The following TEX15 variants were observed in gnomAD, a reference collection of about 807,000 sequenced individuals.
TEX15 encodes testis expressed 15, meiosis and synapsis associated.
Under a neutral mutation model 237.3 loss-of-function variants are expected in TEX15, and 171 were observed. The ratio of observed to expected loss-of-function variants is 0.72; its 90% CI spans 0.64 to 0.82. The LOEUF is 0.82. Ranked by LOEUF, TEX15 falls within the 40% of genes least tolerant of loss-of-function variation. TEX15 has a pLI of 0.00. For missense variants in TEX15, 3,750 were observed against 3,646.5 expected (o/e 1.03, Z -0.73); for synonymous variants, 1,338 against 1,269.8 (o/e 1.05, Z -1.14).
chr8:30,889,811 T>C (rs1030718713), intron 2 of TEX15, among the ~76,000 whole-genome samples: 1 of 151,496 alleles, frequency 6.6e-6, no homozygotes, highest in Admixed American at 6.6e-5. Flanking sequence ...ACCTTTGATA[T>C]ATATTTCTTT....
chr8:30,850,876 A>C (rs1192858423), intron 7 of TEX15, among the ~76,000 whole-genome samples: 1 of 152,198 alleles, frequency 6.6e-6, no homozygotes, highest in African/African-American at 2.4e-5. Flanking sequence ...GGAAAAAAAT[A>C]GGTAAAATTG....
chr8:30,849,489 A>G (rs1418514200), intron 7 of TEX15, among the ~76,000 whole-genome samples, 173 bp from the exon 8 acceptor site: 1 of 152,242 alleles, frequency 6.6e-6, no homozygotes, highest in Admixed American at 6.5e-5. Flanking sequence ...ATTAACAAAT[A>G]AATAAAATAT....
chr8:30,906,714 G>C (rs978695411), intron 1 of TEX15, among the ~76,000 whole-genome samples: 1 of 152,088 alleles, frequency 6.6e-6, no homozygotes, highest in African/African-American at 2.4e-5. Context: ...TAACTGCTGG[G>C]AATAGGCTTG....
rs572327362 is a variant in TEX15 at position 30,888,651 on chromosome 8, T to C, written c.-9-1340A>G. On this transcript the variant is annotated intron_variant, in intron 2 of 10. Coordinates refer to ENST00000643185, the MANE Select transcript of TEX15 (RefSeq NM_001350162.2). Reference sequence around the variant, plus strand: ...TTTTTCGTACCATTTCGTAACATGGTTGATGGCCCTCCTGACACCTATCAA... The same window carrying C: ...TTTTTCGTACCATTTCGTAACATGGCTGATGGCCCTCCTGACACCTATCAA... 8.3e-5 allele frequency: 107 copies of C among 1,289,624 alleles called. No individual in the cohort carries two copies. The African/African-American group carries it at 1.5e-3, about 18-fold the overall frequency. 79.9% of individuals were successfully genotyped at this position (1,289,624 alleles called of 1,614,324 possible).
In TEX15 at chr8:30,848,005, GAC is replaced by G; in HGVS notation, c.2160_2161del (p.Ser721ThrfsTer11). On this transcript the variant is annotated frameshift_variant, in exon 8 of 11. Transcript: ENST00000643185. LOFTEE classifies it high-confidence loss of function. ...CACAGAGTGCTGAGGATGCTTTTGT[GAC>G]AGGCTCTCAAAACTTGGAGTAATTT... 1 of 1,613,918 alleles carries G rather than the reference GAC, an allele frequency of 6.2e-7. No individual in the cohort carries two copies. The highest frequency in any genetic ancestry group is 1.1e-5 in the South Asian group (1 of 91,052).
At position 30,843,260 on chromosome 8, in the gene TEX15, C is replaced by T. The variant is rs144663984; in HGVS notation, c.6907G>A (p.Val2303Met). 5.0e-6 allele frequency: 8 copies of T among 1,612,784 alleles called. No individual in the cohort carries two copies. The African/African-American group carries it at 1.1e-4, about 22-fold the overall frequency. Reference protein sequence around the residue: ...QKKDEERLLRVNKCAFSKLQK... With the variant: ...QKKDEERLLRMNKCAFSKLQK... Reference sequence around the variant, plus strand: ...AACTTAGAAAAGGCACATTTATTCACTCTGAGTAGCCTTTCTTCGTCCTTC... The same window carrying T: ...AACTTAGAAAAGGCACATTTATTCATTCTGAGTAGCCTTTCTTCGTCCTTC... Residue 2303 changes from valine (V) to methionine (M), a missense_variant, in exon 8 of 11, where the codon GTG becomes ATG. By Grantham distance (21) the Val-to-Met change is conservative. Transcript: ENST00000643185.
chr8:30,847,344 ACTCT>A lies in TEX15; in HGVS notation c.2819_2822del (p.Glu940ValfsTer9). ...TCACGGCACTAATGGTATCTTCTTCACTCTCTAATAATGCAGTTGCTGCTGACAC... is the reference window on the plus strand; with the variant it reads ...TCACGGCACTAATGGTATCTTCTTCACTAATAATGCAGTTGCTGCTGACAC... On this transcript the variant is annotated frameshift_variant, in exon 8 of 11. Transcript: ENST00000643185. LOFTEE classifies it high-confidence loss of function. 6.2e-7 allele frequency: 1 copy of A among 1,613,654 alleles called. No homozygotes were observed. The highest frequency in any genetic ancestry group is 8.5e-7 in the Non-Finnish European group (1 of 1,179,864).
chr8:30,893,275 T>A (rs1453056798), intron 2 of TEX15, among the ~76,000 whole-genome samples: 1 of 152,224 alleles, frequency 6.6e-6, no homozygotes, highest in African/African-American at 2.4e-5. Context: ...AGCTAGGCAG[T>A]GTGGCACCAG....
chr8:30,858,206 C>A (rs1253516951), intron 7 of TEX15, among the ~76,000 whole-genome samples: 1 of 151,716 alleles, frequency 6.6e-6, no homozygotes, highest in Non-Finnish European at 1.5e-5. Context: ...ATCACACAAA[C>A]CTAATACTGA....
In TEX15 at chr8:30,858,066, TAAG is replaced by T. The variant is rs943367593; in HGVS notation, c.850+599_850+601del. Among the ~76,000 whole-genome samples, 9 of 152,036 alleles carry T rather than the reference TAAG, an allele frequency of 5.9e-5. No homozygotes were observed. In the South Asian group the frequency reaches 1.0e-3, roughly 17 times the overall value. On this transcript the variant is annotated intron_variant, in intron 7 of 10. Transcript: ENST00000643185. ...ATATTTAAAATAGCAATGTTTGGAA[TAAG>T]AAGAAGACTGGAAAGTGCCCAAACA...
At chr8:30,849,461 CAA>C (rs1807719264) in intron 7 of TEX15, 145 bp from the exon 8 acceptor site, 2 of 501,172 alleles carry the variant, frequency 4.0e-6, no homozygotes, top group East Asian at 6.1e-5. Context: ...ACGGAAAAAG[CAA>C]AGAGAGAAGG....
chr8:30,846,686 T>C lies in TEX15; in HGVS notation c.3481A>G (p.Thr1161Ala). ...ILLPDLQIKITNIFRPGFSPT... is the reference protein window; with the variant it reads ...ILLPDLQIKIANIFRPGFSPT... ...CTGAATCCTGGCCTAAATATATTAG[T>C]AATTTTAATTTGTAGATCTGGAAGT... The change falls in exon 8 of 11, where the codon ACT becomes GCT. Residue 1161 changes from threonine to alanine, a missense_variant. By Grantham distance (58) the Thr-to-Ala change is moderately conservative (BLOSUM62 0). Transcript: ENST00000643185. The C allele has an allele frequency of 6.2e-7, 1 of 1,613,638 alleles. No homozygotes were observed. Among genetic ancestry groups the C allele is most frequent in the Admixed American group, 1.7e-5 (1 of 59,972 alleles).
At chr8:30,902,458 C>T (rs1299202317) in intron 1 of TEX15, among the ~76,000 whole-genome samples, 1 of 152,140 alleles carries the variant, frequency 6.6e-6, no homozygotes, top group Admixed American at 6.5e-5. Flanking sequence ...TTCAGGCACT[C>T]TGCAAGAAGG....
At chr8:30,900,705 T>C (rs758665996) in intron 1 of TEX15, among the ~76,000 whole-genome samples, 12 of 152,166 alleles carry the variant, frequency 7.9e-5, no homozygotes, top group Admixed American at 1.3e-4. Flanking sequence ...CCAGACTTTC[T>C]GGAATGGCAA....
rs775301756 is a variant in TEX15 at position 30,846,196 on chromosome 8, T to C, written c.3971A>G (p.Tyr1324Cys). Residue 1324 changes from tyrosine to cysteine, a missense_variant, in exon 8 of 11, where the codon TAT becomes TGT. Tyr to Cys is a radical substitution (Grantham distance 194, BLOSUM62 -2). Coordinates refer to ENST00000643185, the MANE Select transcript of TEX15 (RefSeq NM_001350162.2). ...ACTGGTTAGCCTCCTCTTTCTCCCA[T>C]AAATTTTATGTCGTCTTAAATCTTT... is the stretch of plus-strand genomic sequence containing the variant. ...PHKDLRRHKI[Y>C]GRKRRLTSQD... is the part of the protein sequence containing the mutation. The C allele has an allele frequency of 6.2e-7, 1 of 1,613,142 alleles. No individual in the cohort carries two copies. The highest frequency in any genetic ancestry group is 1.7e-5 in the Admixed American group (1 of 59,920).
chr8:30,909,469 T>G (rs1809175485), intron 1 of TEX15, among the ~76,000 whole-genome samples: 1 of 132,734 alleles, frequency 7.5e-6, no homozygotes, highest in South Asian at 2.4e-4. Flanking sequence ...TCACAAAGGC[T>G]TTGCATTATG....
Position 30,842,339 on chromosome 8 carries a change from C to T in TEX15, c.7828G>A (p.Ala2610Thr), listed in dbSNP as rs1388471407. 1 of 1,613,624 alleles carries T rather than the reference C, an allele frequency of 6.2e-7. No individual in the cohort carries two copies. Among genetic ancestry groups the T allele is most frequent in the Non-Finnish European group, 8.5e-7 (1 of 1,179,848 alleles). ...GTTTTCATGACTTTCCTAATGTGGGCCATTTTTCCTAAATCTTTCCTAGGG... is the reference window on the plus strand; with the variant it reads ...GTTTTCATGACTTTCCTAATGTGGGTCATTTTTCCTAAATCTTTCCTAGGG... ...SAPRKDLGKM[A>T]HIRKVMKTIE... The change falls in exon 8 of 11, where the codon GCC becomes ACC. Residue 2610 changes from alanine (A) to threonine (T), a missense_variant. Physicochemically the swap from Ala to Thr is moderately conservative, Grantham distance 58. Coordinates refer to ENST00000643185, the MANE Select transcript of TEX15 (RefSeq NM_001350162.2).
Position 30,842,292 on chromosome 8 carries a change from T to C in TEX15, c.7875A>G (p.Ile2625Met). Reference protein sequence around the residue: ...VMKTIEHMKMICTKNAELTIS... With the variant: ...VMKTIEHMKMMCTKNAELTIS... ...TGGTTAGTTCAGCATTTTTAGTACA[T>C]ATCATCTTCATATGTTCAATCGTTT... Residue 2625 changes from isoleucine to methionine, a missense_variant, in exon 8 of 11, where the codon ATA becomes ATG. Coordinates refer to ENST00000643185, the MANE Select transcript of TEX15 (RefSeq NM_001350162.2). 1.2e-6 allele frequency: 2 copies of C among 1,613,860 alleles called. No individual in the cohort carries two copies. The highest frequency in any genetic ancestry group is 1.7e-6 in the Non-Finnish European group (2 of 1,179,862).
rs1807324965 is a variant in TEX15 at position 30,837,235 on chromosome 8, T to G, written c.9049A>C (p.Asn3017His). The G allele has an allele frequency of 6.2e-7, 1 of 1,614,182 alleles. No individual in the cohort carries two copies. The highest frequency in any genetic ancestry group is 8.5e-7 in the Non-Finnish European group (1 of 1,180,022). The stretch of plus-strand genomic sequence containing the variant: ...TTACATGCAGACTGTGGAAGTTCAT[T>G]CCAATATGTGGCAGCATTCTGCATT... The part of the protein sequence containing the change: ...VLMQNAATYW[N>H]ELPQSACNPT... Residue 3017 changes from asparagine (N) to histidine (H), a missense_variant, in exon 10 of 11, where the codon AAT becomes CAT. Physicochemically the swap from Asn to His is moderately conservative, Grantham distance 68 (BLOSUM62 1). Transcript: ENST00000643185.
Sources: gnomAD v4.1 joint callset for allele counts (sites outside exome capture counted in the v4.1 genomes callset) on GRCh38, gnomAD v4.1.1 for gene constraint, MANE v1.5 for transcripts, NCBI Gene and HGNC (gene_info 2026-07-23, HGNC 2026-07-21) for gene names.